CRIM1: variants seen among roughly 807,000 people sequenced by gnomAD.
The protein encoded by CRIM1 is cysteine-rich motor neuron 1 protein.
CRIM1 carries 32 observed loss-of-function variants against 116.4 expected under a neutral mutation model. The ratio of observed to expected loss-of-function variants is 0.27; its 90% confidence interval spans 0.21 to 0.37. The LOEUF (loss-of-function observed/expected upper bound fraction) is 0.37, where lower values mean the gene tolerates loss of function less well. CRIM1 is among the 10% of genes least tolerant of loss of function. The pLI, the probability that CRIM1 is intolerant of heterozygous loss-of-function variation, is 1.00. For missense variants in CRIM1, 1,331 were observed against 1,354.8 expected (o/e 0.98, Z 0.28); for synonymous variants, 590 against 509.2 (o/e 1.16, Z -2.13).
intron 2 of CRIM1, among the ~76,000 whole-genome samples, chr2:36,408,429 G>A (rs376577207): frequency 3.3e-5 from 5 of 152,126 alleles, no homozygotes; most frequent in Admixed American, 6.5e-5. Flanking sequence ...AGCTGTGTCC[G>A]GCTAAGCCCT....
intron 2 of CRIM1, among the ~76,000 whole-genome samples, chr2:36,425,040 G>A (rs898194516): frequency 6.6e-6 from 1 of 152,138 alleles, no homozygotes; most frequent in South Asian, 2.1e-4. Flanking sequence ...TCCAAATCAC[G>A]TAAGCAGTTA....
chr2:36,527,244 T>G (rs1409439665), intron 13 of CRIM1, among the ~76,000 whole-genome samples: 2 of 152,004 alleles, frequency 1.3e-5, no homozygotes, highest in East Asian at 3.8e-4. Flanking sequence ...ATGTTCTGAT[T>G]ACATGCCTTC....
intron 7 of CRIM1, among the ~76,000 whole-genome samples, chr2:36,494,282 A>T (rs2125074815): frequency 6.6e-6 from 1 of 152,300 alleles, no homozygotes; most frequent in African/African-American, 2.4e-5. Context: ...TAAAATACCG[A>T]TGGTGTTTTT....
At chr2:36,367,342 G>C (rs549410480) in intron 1 of CRIM1, among the ~76,000 whole-genome samples, 1 of 152,266 alleles carries the variant, frequency 6.6e-6, no homozygotes, top group African/African-American at 2.4e-5. Flanking sequence ...AGGGTTTGAG[G>C]CTGCCCAGAA....
intron 4 of CRIM1, among the ~76,000 whole-genome samples, chr2:36,453,752 A>G (rs1355936727): frequency 6.6e-6 from 1 of 152,254 alleles, no homozygotes; most frequent in African/African-American, 2.4e-5. Flanking sequence ...CTTTGGTAGT[A>G]GAAGTGTGCA....
At chr2:36,413,522 G>C (rs575240125) in intron 2 of CRIM1, among the ~76,000 whole-genome samples, 6 of 152,136 alleles carry the variant, frequency 3.9e-5, no homozygotes, top group African/African-American at 1.4e-4. Context: ...TGTGCTCCAC[G>C]GCAGAGCCTA....
At chr2:36,363,172 C>G (rs972923927) in intron 1 of CRIM1, among the ~76,000 whole-genome samples, 2 of 150,480 alleles carry the variant, frequency 1.3e-5, no homozygotes, top group African/African-American at 4.9e-5. Flanking sequence ...TGCACTCCAG[C>G]CTGGGCGACA....
intron 1 of CRIM1, among the ~76,000 whole-genome samples, chr2:36,383,484 T>C (rs113741731): frequency 6.6e-6 from 1 of 152,244 alleles, no homozygotes; most frequent in Non-Finnish European, 1.5e-5. Flanking sequence ...TAAAGCTGCT[T>C]CTTTTTTTCC....
chr2:36,411,862 T>G (rs947325865), intron 2 of CRIM1, among the ~76,000 whole-genome samples: 2 of 152,208 alleles, frequency 1.3e-5, no homozygotes, highest in African/African-American at 4.8e-5. Flanking sequence ...TTATGCACTT[T>G]GTAAATAGCT....
At chr2:36,409,234 A>G (rs1429944007) in intron 2 of CRIM1, among the ~76,000 whole-genome samples, 1 of 152,046 alleles carries the variant, frequency 6.6e-6, no homozygotes, top group Non-Finnish European at 1.5e-5. Context: ...TGCCCTCCCT[A>G]TTCTTTTAGT....
intron 2 of CRIM1, among the ~76,000 whole-genome samples, chr2:36,426,235 T>C (rs1051558584): frequency 8.5e-5 from 13 of 152,144 alleles, no homozygotes; most frequent in Non-Finnish European, 1.8e-4. Flanking sequence ...CCTCAGTGAG[T>C]GTACTGGCCA....
chr2:36,537,340 T>C lies in CRIM1; in HGVS notation c.2429-12T>C. 5 of 1,613,818 alleles carry C rather than the reference T, an allele frequency of 3.1e-6. No individual in the cohort carries two copies. The highest frequency in any genetic ancestry group is 4.2e-6 in the Non-Finnish European group (5 of 1,179,790). On this transcript the variant is annotated splice_polypyrimidine_tract_variant and intron_variant, in intron 13 of 16. Coordinates refer to ENST00000280527, the MANE Select transcript of CRIM1 (RefSeq NM_016441.3). ...CATCAGCGACTCCATCATGTGCTGT[T>C]CTTTTCACTAGAAGACACAATTCCA... is the stretch of plus-strand genomic sequence containing the variant.
chr2:36,529,955 G>A (rs1269381745), intron 13 of CRIM1, among the ~76,000 whole-genome samples: 3 of 152,306 alleles, frequency 2.0e-5, no homozygotes, highest in Non-Finnish European at 1.5e-5. Flanking sequence ...TTAAGATTGA[G>A]GCAGTATGGA....
chr2:36,516,652 A>T lies in CRIM1; in HGVS notation c.1991-675A>T, dbSNP rs116562671. ...TTCAGACTGTTGATTCTACAGGAGC[A>T]TTCCTGCTCAGTTTGCTGGCAGCTG... On this transcript the variant is annotated intron_variant, in intron 11 of 16. Coordinates refer to ENST00000280527, the MANE Select transcript of CRIM1 (RefSeq NM_016441.3). 2.6e-3 allele frequency among the ~76,000 whole-genome samples: 398 copies of T among 152,308 alleles called. 2 individuals carry two copies. The highest frequency in any genetic ancestry group is 8.7e-3 in the African/African-American group (360 of 41,564).
chr2:36,381,181 T>G (rs974686398), intron 1 of CRIM1, among the ~76,000 whole-genome samples: 3 of 152,210 alleles, frequency 2.0e-5, no homozygotes, highest in Non-Finnish European at 4.4e-5. Flanking sequence ...TGTGGCACTC[T>G]GACCCCTGGC....
At chr2:36,544,047 C>T (rs1052792735) in intron 14 of CRIM1, among the ~76,000 whole-genome samples, 1 of 152,236 alleles carries the variant, frequency 6.6e-6, no homozygotes, top group African/African-American at 2.4e-5. Context: ...CATTTATTAG[C>T]TGCTGGAAAG....
At chr2:36,410,335 T>C (rs1673111896) in intron 2 of CRIM1, among the ~76,000 whole-genome samples, 1 of 152,190 alleles carries the variant, frequency 6.6e-6, no homozygotes. Context: ...TCTTTTCCTG[T>C]TCCAATAACA....
intron 1 of CRIM1, among the ~76,000 whole-genome samples, chr2:36,388,215 C>T (rs915777897): frequency 6.6e-6 from 1 of 152,064 alleles, no homozygotes; most frequent in Non-Finnish European, 1.5e-5. Flanking sequence ...TTTTATTAAA[C>T]GAGATTTACT....
At chr2:36,420,594 A>G (rs991087278) in intron 2 of CRIM1, among the ~76,000 whole-genome samples, 4 of 152,234 alleles carry the variant, frequency 2.6e-5, no homozygotes, top group African/African-American at 9.6e-5. Flanking sequence ...AGGTTCTTCC[A>G]TAGCACCTGT....
Sources: gnomAD v4.1 joint callset for allele counts (sites outside exome capture counted in the v4.1 genomes callset) on GRCh38, gnomAD v4.1.1 for gene constraint, MANE v1.5 for transcripts, NCBI Gene and HGNC (gene_info 2026-07-23, HGNC 2026-07-21) for gene names.